KCNK10: variants seen among roughly 807,000 people sequenced by gnomAD.
KCNK10 encodes potassium two pore domain channel subfamily K member 10, also known as potassium channel subfamily K member 10.
In KCNK10, 25 loss-of-function variants were observed where a neutral mutation model predicts 47.7. The ratio of observed to expected loss-of-function variants is 0.52; its 90% CI spans 0.38 to 0.73. The LOEUF is 0.73. Among genes scored for constraint, KCNK10 ranks in the 30% least tolerant of loss-of-function variants. The probability of loss-of-function intolerance (pLI) is 0.00; values close to 1 mark genes in which losing one functional copy is unlikely to be tolerated. For synonymous variants in KCNK10, 303 were observed against 285.6 expected, an observed-to-expected ratio of 1.06 and a Z score of -0.61; for missense variants, 563 against 714.5, an observed-to-expected ratio of 0.79 and a Z score of 2.42.
At chr14:88,279,099 G>C (rs918230032) in intron 1 of KCNK10, among the ~76,000 whole-genome samples, 1 of 152,082 alleles carries the variant, frequency 6.6e-6, no homozygotes, top group African/African-American at 2.4e-5. Context: ...CAGGTACCAG[G>C]GTAGTTCATT....
At chr14:88,222,225 G>A (rs368840182) in intron 4 of KCNK10, among the ~76,000 whole-genome samples, 1 of 152,178 alleles carries the variant, frequency 6.6e-6, no homozygotes, top group East Asian at 1.9e-4. Flanking sequence ...GCACAGGAAA[G>A]ACTGGCCCCC....
chr14:88,206,083 G>A (rs911484), intron 4 of KCNK10, among the ~76,000 whole-genome samples: 86,907 of 152,046 alleles, frequency 0.57, 24,993 homozygotes, highest in East Asian at 0.72. Flanking sequence ...GAATATTAAT[G>A]GCATGGGAAA....
At chr14:88,266,695 G>C (rs1396176622) in intron 1 of KCNK10, among the ~76,000 whole-genome samples, 2 of 152,188 alleles carry the variant, frequency 1.3e-5, no homozygotes, top group Non-Finnish European at 1.5e-5. Flanking sequence ...GTGTGGTATG[G>C]TGGGGATAAG....
At chr14:88,313,244 C>T (rs144747056) in intron 1 of KCNK10, among the ~76,000 whole-genome samples, 9 of 152,294 alleles carry the variant, frequency 5.9e-5, no homozygotes, top group African/African-American at 1.4e-4. Flanking sequence ...TAGCCTAGCA[C>T]GTGGTGCCTA....
At chr14:88,226,255 T>TG (rs1488662915) in intron 4 of KCNK10, among the ~76,000 whole-genome samples, 2 of 152,214 alleles carry the variant, frequency 1.3e-5, no homozygotes, top group Admixed American at 6.5e-5. Context: ...CACCCAGCTA[T>TG]GGTGCCTCGT....
intron 1 of KCNK10, among the ~76,000 whole-genome samples, chr14:88,310,198 G>GGTATATCATATACCATATCATCTA (rs1888290973): frequency 8.2e-6 from 1 of 122,144 alleles, no homozygotes; most frequent in Non-Finnish European, 1.9e-5. Context: ...CATATCATAT[G>GGTATATCATATACCATATCATCTA]GTATATGATA....
At chr14:88,251,734 T>C (rs1038168081) in intron 2 of KCNK10, among the ~76,000 whole-genome samples, 1 of 152,242 alleles carries the variant, frequency 6.6e-6, no homozygotes, top group Admixed American at 6.5e-5. Context: ...TAAGATAAAA[T>C]TCAGAATCAG....
chr14:88,241,283 G>A (rs1338872879), intron 2 of KCNK10, among the ~76,000 whole-genome samples: 2 of 152,220 alleles, frequency 1.3e-5, no homozygotes, highest in Admixed American at 1.3e-4. Context: ...CCTGGCTGTG[G>A]CCGTTATTAA....
chr14:88,251,035 C>T (rs369447688), intron 2 of KCNK10, among the ~76,000 whole-genome samples: 30 of 152,004 alleles, frequency 2.0e-4, no homozygotes, highest in African/African-American at 7.0e-4. Context: ...GAGTTCAAGA[C>T]CAGCCTGGCC....
chr14:88,229,622 C>T (rs1886099217), intron 3 of KCNK10, among the ~76,000 whole-genome samples: 1 of 152,150 alleles, frequency 6.6e-6, no homozygotes, highest in African/African-American at 2.4e-5. Flanking sequence ...ATATTCACAG[C>T]CATCTTTCTT....
chr14:88,312,694 G>GA (rs1427476005), intron 1 of KCNK10, among the ~76,000 whole-genome samples: 1 of 152,148 alleles, frequency 6.6e-6, no homozygotes, highest in Non-Finnish European at 1.5e-5. Flanking sequence ...TTCACAGTCA[G>GA]AAAAAATAGG....
intron 2 of KCNK10, among the ~76,000 whole-genome samples, chr14:88,250,491 A>T (rs17769860): frequency 0.029 from 4,472 of 152,256 alleles, 97 homozygotes; most frequent in Middle Eastern, 0.041. Context: ...GCTGCTACCT[A>T]AACTTCCTGG....
At chr14:88,275,584 C>T (rs1403052100) in intron 1 of KCNK10, among the ~76,000 whole-genome samples, 1 of 150,846 alleles carries the variant, frequency 6.6e-6, no homozygotes, top group East Asian at 1.9e-4. Context: ...CGCAGTGGCT[C>T]ATGCTTGTCA....
chr14:88,280,204 C>A (rs1341719168), intron 1 of KCNK10, among the ~76,000 whole-genome samples: 1 of 152,156 alleles, frequency 6.6e-6, no homozygotes, highest in Admixed American at 6.5e-5. Flanking sequence ...ACCAACACGG[C>A]CACACATCAC....
intron 4 of KCNK10, among the ~76,000 whole-genome samples, chr14:88,207,590 C>G (rs1386638943): frequency 6.6e-6 from 1 of 152,196 alleles, no homozygotes; most frequent in Non-Finnish European, 1.5e-5. Flanking sequence ...GCCTCAGCCT[C>G]TCAAGTAACT....
chr14:88,201,666 GAAA>G (rs998543405), intron 4 of KCNK10, among the ~76,000 whole-genome samples: 2 of 141,998 alleles, frequency 1.4e-5, no homozygotes, highest in Non-Finnish European at 3.1e-5. Flanking sequence ...TCTCAAAAAA[GAAA>G]AAAAAAAATA....
chr14:88,298,568 C>A (rs934971019), intron 1 of KCNK10, among the ~76,000 whole-genome samples: 1 of 152,192 alleles, frequency 6.6e-6, no homozygotes, highest in African/African-American at 2.4e-5. Flanking sequence ...GGGTCCTCAG[C>A]CCTCTCAGTG....
At position 88,192,173 on chromosome 14, in the gene KCNK10, G is replaced by T. The variant is rs1290917512; in HGVS notation, c.868+51C>A. 5 of 1,519,088 alleles carry T rather than the reference G, an allele frequency of 3.3e-6. No individual in the cohort carries two copies. The African/African-American group carries it at 4.2e-5, about 13-fold the overall frequency. The allele number at this position is 1,519,088 out of a possible 1,614,324, so 94.1% of individuals were successfully genotyped here. ...TCGATTGCGAAAAGCACAGCCAACA[G>T]ATTATTTTTCCCGCCAGAGCCCCAG... On this transcript the variant is annotated intron_variant, in intron 5 of 6. Coordinates refer to ENST00000319231, the MANE Select transcript of KCNK10 (RefSeq NM_138317.3).
Position 88,323,236 on chromosome 14 carries a change from A to G in KCNK10, c.-438T>C, listed in dbSNP as rs1888589512. 2.0e-6 allele frequency: 2 copies of G among 990,398 alleles called. No homozygotes were observed. The allele number at this position is 990,398 out of a possible 1,614,324, so 61.4% of individuals were successfully genotyped here. A position where few individuals can be genotyped will look rare whatever the true frequency, so the allele number is the denominator to read the frequency against. On this transcript the variant is annotated 5_prime_UTR_variant, in exon 1 of 7. Coordinates refer to ENST00000319231, the MANE Select transcript of KCNK10 (RefSeq NM_138317.3). The stretch of plus-strand genomic sequence containing the variant: ...CGTGTGCGCACACACTCCCGCACAC[A>G]CACACCCGCACACACACTCCCGGGC...
Sources: allele counts gnomAD v4.1 joint callset (sites outside exome capture counted in the v4.1 genomes callset), GRCh38; gene constraint gnomAD v4.1.1; transcripts MANE v1.5; gene names NCBI Gene and HGNC (gene_info 2026-07-23, HGNC 2026-07-21).